LRP1B: variants seen among roughly 807,000 people sequenced by gnomAD.
LRP1B encodes LDL receptor related protein 1B, also known as low-density lipoprotein receptor-related protein 1B.
A neutral mutation model predicts 556.6 loss-of-function variants in LRP1B; 217 were observed. The observed-to-expected ratio is 0.39, with a 90% CI of 0.35 to 0.44. LRP1B has a LOEUF of 0.44. LRP1B is among the 20% of genes least tolerant of loss of function. LRP1B has a pLI of 1.00. For missense variants in LRP1B, 5,053 were observed against 5,620.8 expected (o/e 0.90, Z 3.23); for synonymous variants, 2,047 against 1,865.8 (o/e 1.10, Z -2.50).
At chr2:140,937,579 T>G (rs1269208887) in intron 20 of LRP1B, among the ~76,000 whole-genome samples, 1 of 152,114 alleles carries the variant, frequency 6.6e-6, no homozygotes. Context: ...AATGTGCACT[T>G]AAAATCTTTA....
chr2:141,811,631 C>G lies in LRP1B; in HGVS notation c.83-1230G>C, dbSNP rs546220285. ...GTATAAGAGTAGTCTTTTCCATACT[C>G]AAACTATAGCTATTTCGTGACAACT... On this transcript the variant is annotated intron_variant, in intron 1 of 90. Coordinates refer to ENST00000389484, the MANE Select transcript of LRP1B (RefSeq NM_018557.3). Among the ~76,000 whole-genome samples, 3 of 152,168 alleles carry G rather than the reference C, an allele frequency of 2.0e-5. No homozygotes were observed. The South Asian group carries it at 6.2e-4, about 32-fold the overall frequency.
chr2:141,736,956 G>T (rs1693492069), intron 2 of LRP1B, among the ~76,000 whole-genome samples: 1 of 152,130 alleles, frequency 6.6e-6, no homozygotes, highest in East Asian at 1.9e-4. Context: ...ATTTCCTCTG[G>T]CCTCTCAGAG....
intron 35 of LRP1B, among the ~76,000 whole-genome samples, chr2:140,747,466 C>A (rs2104881482): frequency 6.6e-6 from 1 of 152,248 alleles, no homozygotes; most frequent in East Asian, 1.9e-4. Context: ...AGCCATATAG[C>A]TTTTTATGGT....
At chr2:140,282,374 G>A (rs977608535) in intron 84 of LRP1B, among the ~76,000 whole-genome samples, 1 of 151,760 alleles carries the variant, frequency 6.6e-6, no homozygotes, top group Non-Finnish European at 1.5e-5. Context: ...TGCACATAGA[G>A]GTTAAGCAAT....
At chr2:141,243,099 G>T (rs1683939493) in intron 5 of LRP1B, among the ~76,000 whole-genome samples, 1 of 151,244 alleles carries the variant, frequency 6.6e-6, no homozygotes, top group Admixed American at 6.6e-5. Context: ...AGTTTTACTG[G>T]GTACCTATAC....
intron 17 of LRP1B, among the ~76,000 whole-genome samples, chr2:140,982,957 A>G (rs11898128): frequency 0.98 from 149,739 of 152,080 alleles, 73,764 homozygotes; most frequent in Middle Eastern, 1. Flanking sequence ...TCTCTTAAGG[A>G]TTTCAATGAA....
intron 3 of LRP1B, among the ~76,000 whole-genome samples, chr2:141,470,467 AG>A (rs1437417399): frequency 6.6e-6 from 1 of 152,188 alleles, no homozygotes; most frequent in Non-Finnish European, 1.5e-5. Flanking sequence ...AAATGTCTTC[AG>A]TTGAAATTCT....
At chr2:140,301,404 ACAAAT>A (rs1458241307) in intron 83 of LRP1B, among the ~76,000 whole-genome samples, 5 of 152,208 alleles carry the variant, frequency 3.3e-5, no homozygotes, top group African/African-American at 9.6e-5. Context: ...ACAACAGCAA[ACAAAT>A]CAAAGAGAAA....
At chr2:141,864,885 AAAC>A (rs746461836) in intron 1 of LRP1B, among the ~76,000 whole-genome samples, 3 of 44,632 alleles carry the variant, frequency 6.7e-5, no homozygotes, top group East Asian at 4.7e-4. Flanking sequence ...CTGTCTCAAA[AAAC>A]AAACAAACAA....
chr2:141,506,596 AG>A (rs1186296207), intron 2 of LRP1B, among the ~76,000 whole-genome samples: 1 of 152,132 alleles, frequency 6.6e-6, no homozygotes, highest in African/African-American at 2.4e-5. Context: ...CAGGCTGTAT[AG>A]GATGTGGGCA....
At chr2:141,702,294 A>T (rs751092268) in intron 2 of LRP1B, among the ~76,000 whole-genome samples, 3 of 151,874 alleles carry the variant, frequency 2.0e-5, no homozygotes, top group Non-Finnish European at 4.4e-5. Flanking sequence ...AAACAGGTGA[A>T]GTATAAGGCA....
chr2:140,486,223 A>G (rs1688464916), intron 58 of LRP1B, among the ~76,000 whole-genome samples: 1 of 152,060 alleles, frequency 6.6e-6, no homozygotes. Context: ...ACTTGAAGCT[A>G]TATAGAAGCC....
intron 11 of LRP1B, among the ~76,000 whole-genome samples, chr2:141,024,898 C>T (rs1235700035): frequency 1.3e-5 from 2 of 152,138 alleles, no homozygotes; most frequent in South Asian, 2.1e-4. Context: ...AAATCCAAGC[C>T]TATTATAATG....
chr2:140,488,355 G>C (rs1688563772), intron 57 of LRP1B, among the ~76,000 whole-genome samples: 4 of 152,038 alleles, frequency 2.6e-5, no homozygotes, highest in Admixed American at 2.0e-4. Context: ...TTTGACCAAG[G>C]AGGAACTGGG....
At chr2:142,037,643 A>C (rs1703930192) in intron 1 of LRP1B, among the ~76,000 whole-genome samples, 1 of 151,664 alleles carries the variant, frequency 6.6e-6, no homozygotes, top group Non-Finnish European at 1.5e-5. Flanking sequence ...GAGTGCAAAC[A>C]TCTGATTTCC....
intron 2 of LRP1B, among the ~76,000 whole-genome samples, chr2:141,799,111 G>C (rs541267429): frequency 3.9e-5 from 6 of 152,208 alleles, no homozygotes; most frequent in African/African-American, 1.2e-4. Flanking sequence ...GCCACCCAGT[G>C]TGTGGTGTTT....
chr2:141,635,318 G>C (rs377710998), intron 2 of LRP1B, among the ~76,000 whole-genome samples: 31 of 152,044 alleles, frequency 2.0e-4, no homozygotes, highest in East Asian at 1.5e-3. Context: ...ACTAGAGATG[G>C]AACACAACGG....
At chr2:141,054,551 C>G (rs1265463219) in intron 10 of LRP1B, among the ~76,000 whole-genome samples, 2 of 151,844 alleles carry the variant, frequency 1.3e-5, no homozygotes, top group African/African-American at 4.8e-5. Context: ...AAAGATATAT[C>G]TAAGAGATTA....
chr2:140,672,480 T>TC (rs1685520800), intron 41 of LRP1B, among the ~76,000 whole-genome samples: 1 of 45,058 alleles, frequency 2.2e-5, no homozygotes, highest in Non-Finnish European at 3.8e-5. Context: ...TGAGACTCCA[T>TC]CTAAAAAAAA....
Sources: gnomAD v4.1 joint callset for allele counts (sites outside exome capture counted in the v4.1 genomes callset) on GRCh38, gnomAD v4.1.1 for gene constraint, MANE v1.5 for transcripts, NCBI Gene and HGNC (gene_info 2026-07-23, HGNC 2026-07-21) for gene names.